The following NCOA1 variants were observed in gnomAD, a reference collection of about 807,000 sequenced individuals.
NCOA1 encodes the protein Hin-2 protein.
A neutral mutation model predicts 150.9 loss-of-function variants in NCOA1; 35 were observed. The ratio of observed to expected loss-of-function variants is 0.23; its 90% CI spans 0.18 to 0.31. The LOEUF is 0.31. Among genes scored for constraint, NCOA1 ranks in the 10% least tolerant of loss-of-function variants. NCOA1 has a pLI of 1.00. For missense variants in NCOA1, 1,491 were observed against 1,749.3 expected, an observed-to-expected ratio of 0.85 and a Z score of 2.63; for synonymous variants, 590 against 630.0, an observed-to-expected ratio of 0.94 and a Z score of 0.95.
intron 3 of NCOA1, among the ~76,000 whole-genome samples, chr2:24,600,897 A>G (rs542185664): frequency 1.3e-5 from 2 of 152,298 alleles, no homozygotes; most frequent in African/African-American, 4.8e-5. Flanking sequence ...TGTTCACCTC[A>G]ATATTCTGTA....
At chr2:24,607,405 T>C (rs1668418463) in intron 3 of NCOA1, among the ~76,000 whole-genome samples, 1 of 147,224 alleles carries the variant, frequency 6.8e-6, no homozygotes, top group African/African-American at 2.5e-5. Flanking sequence ...AGAGTGAGAT[T>C]GGCTGGGCGC....
At chr2:24,758,818 T>TA (rs560854944) in intron 21 of NCOA1, among the ~76,000 whole-genome samples, 13,172 of 144,538 alleles carry the variant, frequency 0.091, 636 homozygotes, top group African/African-American at 0.13. Context: ...CTGTCTCTAC[T>TA]AAAAAAAAAA....
intron 1 of NCOA1, among the ~76,000 whole-genome samples, chr2:24,523,070 A>G (rs1005481462): frequency 1.3e-5 from 2 of 152,168 alleles, no homozygotes; most frequent in African/African-American, 4.8e-5. Context: ...CCTCTTTTAT[A>G]TGTATGGTCA....
intron 6 of NCOA1, among the ~76,000 whole-genome samples, chr2:24,671,426 G>T (rs1671678236): frequency 6.6e-6 from 1 of 152,144 alleles, no homozygotes; most frequent in Admixed American, 6.6e-5. Flanking sequence ...GAAGGCTGAG[G>T]CTAGAAGATT....
rs200562192 is a variant in NCOA1 at position 24,697,725 on chromosome 2, G to A, written c.876G>A (p.Val292=). The change falls in exon 11 of 23, where the codon GTG becomes GTA. Residue 292 remains valine, a synonymous_variant. Coordinates refer to ENST00000348332, the MANE Select transcript of NCOA1 (RefSeq NM_003743.5). The part of the protein sequence containing the change: ...AAGRTGWEDL[V]RKCIYAFFQP... The stretch of plus-strand genomic sequence containing the variant: ...GCAGAACTGGTTGGGAAGATTTAGT[G>A]AGGAAGTGCATTTATGCTTTTTTCC... 339 of 1,613,466 alleles carry A rather than the reference G, an allele frequency of 2.1e-4. No individual in the cohort carries two copies. Among genetic ancestry groups the A allele is most frequent in the Non-Finnish European group, 2.6e-4 (302 of 1,179,548 alleles).
At chr2:24,737,039 A>G (rs1663345941) in intron 17 of NCOA1, among the ~76,000 whole-genome samples, 1 of 152,164 alleles carries the variant, frequency 6.6e-6, no homozygotes, top group African/African-American at 2.4e-5. Flanking sequence ...CGCTGGCCAC[A>G]AGCCCCACAT....
rs1301613509 is a variant in NCOA1 at position 24,718,794 on chromosome 2, G to A, written c.2599+7683G>A. On this transcript the variant is annotated intron_variant, in intron 14 of 22. Transcript: ENST00000348332. ...TGAGGCAGGAGAATGGCCTGAACCC[G>A]GGAGGCAGAGCTGGCAGTGAGCCGA... Among the ~76,000 whole-genome samples, 8 of 151,026 alleles carry A rather than the reference G, an allele frequency of 5.3e-5. No individual in the cohort carries two copies. In the South Asian group the frequency reaches 1.7e-3, roughly 32 times the overall value.
chr2:24,585,888 C>A (rs991710736), intron 3 of NCOA1, among the ~76,000 whole-genome samples: 13 of 152,086 alleles, frequency 8.5e-5, no homozygotes, highest in African/African-American at 3.1e-4. Context: ...CTGTTTTATT[C>A]TTTGATATTT....
chr2:24,717,816 A>G (rs1409288460), intron 14 of NCOA1, among the ~76,000 whole-genome samples: 1 of 152,174 alleles, frequency 6.6e-6, no homozygotes, highest in Non-Finnish European at 1.5e-5. Flanking sequence ...AAACTGTCCA[A>G]TCTAAACACT....
chr2:24,747,102 A>G (rs1419103442), intron 19 of NCOA1, among the ~76,000 whole-genome samples: 1 of 152,024 alleles, frequency 6.6e-6, no homozygotes, highest in African/African-American at 2.4e-5. Flanking sequence ...AACAGCAACA[A>G]CAACAACAAC....
At chr2:24,742,249 C>T (rs1011189832) in intron 19 of NCOA1, 63 bp downstream of exon 19, 5 of 1,508,326 alleles carry the variant, frequency 3.3e-6, no homozygotes, top group Non-Finnish European at 4.5e-6. Context: ...CTCTCTCCAT[C>T]TTTATGTCTG....
chr2:24,739,438 C>G lies in NCOA1; in HGVS notation c.3208C>G (p.His1070Asp). ...QRLQGQQQLI[H>D]QNRQAILNQF... Reference sequence around the variant, plus strand: ...TGTTTCCATTTTTCTCTAGTTGATACACCAAAATCGGCAAGCTATCTTAAA... The same window carrying G: ...TGTTTCCATTTTTCTCTAGTTGATAGACCAAAATCGGCAAGCTATCTTAAA... Residue 1070 changes from histidine to aspartate, a missense_variant, in exon 18 of 23, where the codon CAC (histidine) becomes GAC (aspartate). His to Asp is a moderately conservative substitution (Grantham distance 81). Coordinates refer to ENST00000348332, the MANE Select transcript of NCOA1 (RefSeq NM_003743.5). 6.2e-7 allele frequency: 1 copy of G among 1,612,568 alleles called. No individual in the cohort carries two copies. Among genetic ancestry groups the G allele is most frequent in the Non-Finnish European group, 8.5e-7 (1 of 1,178,706 alleles).
chr2:24,574,466 G>C (rs1258424431), intron 2 of NCOA1, among the ~76,000 whole-genome samples: 1 of 151,984 alleles, frequency 6.6e-6, no homozygotes, highest in Non-Finnish European at 1.5e-5. Context: ...ACTCTTTTGG[G>C]GGAGGTTACT....
At chr2:24,734,313 C>T (rs972806963) in intron 17 of NCOA1, among the ~76,000 whole-genome samples, 10 of 151,916 alleles carry the variant, frequency 6.6e-5, no homozygotes, top group African/African-American at 1.9e-4. Context: ...AATTGGTTGT[C>T]GCTTGTAAAA....
At chr2:24,518,635 G>T (rs1443089912) in intron 1 of NCOA1, among the ~76,000 whole-genome samples, 2 of 152,152 alleles carry the variant, frequency 1.3e-5, no homozygotes, top group African/African-American at 4.8e-5. Context: ...AACAAGGTAG[G>T]ATAGAAGATC....
chr2:24,563,752 G>A (rs370066235), intron 1 of NCOA1, among the ~76,000 whole-genome samples: 14 of 152,178 alleles, frequency 9.2e-5, no homozygotes, highest in Middle Eastern at 3.4e-3. Context: ...TCCTGAGCTC[G>A]AGCAATCTGC....
In NCOA1 at chr2:24,602,979, C is replaced by T. The variant is rs561885495; in HGVS notation, c.-175+18419C>T. ...GCGTATGTATCTATTCCTAAATTAT[C>T]TATTGATCCACTTATTTTATCAAAC... On this transcript the variant is annotated intron_variant, in intron 3 of 22. Transcript: ENST00000348332. Among the ~76,000 whole-genome samples, 237 of 152,244 alleles carry T rather than the reference C, an allele frequency of 1.6e-3. 1 individual carries two copies. The Middle Eastern group carries it at 0.034, about 22-fold the overall frequency.
intron 3 of NCOA1, among the ~76,000 whole-genome samples, chr2:24,599,757 C>T (rs1458126088): frequency 7.2e-6 from 1 of 138,776 alleles, no homozygotes. Context: ...GACCGAGTCT[C>T]ACTCTTTTGC....
At chr2:24,612,602 T>G (rs973866430) in intron 3 of NCOA1, among the ~76,000 whole-genome samples, 15 of 152,176 alleles carry the variant, frequency 9.9e-5, no homozygotes, top group Non-Finnish European at 4.4e-5. Flanking sequence ...TCTTTTTTCT[T>G]TATTTTTGTC....
Sources: allele counts gnomAD v4.1 joint callset (sites outside exome capture counted in the v4.1 genomes callset), GRCh38; gene constraint gnomAD v4.1.1; transcripts MANE v1.5; gene names NCBI Gene and HGNC (gene_info 2026-07-23, HGNC 2026-07-21).